Variants in DGKB observed in about 807,000 individuals in gnomAD.
DGKB encodes the protein 90 kDa diacylglycerol kinase.
A neutral mutation model predicts 114.3 loss-of-function variants in DGKB; 67 were observed. The observed-to-expected ratio is 0.59, with a 90% CI of 0.48 to 0.72. The LOEUF (loss-of-function observed/expected upper bound fraction) is 0.72, where lower values mean the gene tolerates loss of function less well. DGKB is among the 30% of genes least tolerant of loss of function. The pLI is 0.00. For synonymous variants in DGKB, 398 were observed against 323.1 expected (o/e 1.23, Z -2.49); for missense variants, 907 against 975.2 (o/e 0.93, Z 0.93).
At chr7:14,622,723 T>A (rs1297836062) in intron 14 of DGKB, among the ~76,000 whole-genome samples, 1 of 152,076 alleles carries the variant, frequency 6.6e-6, no homozygotes, top group Non-Finnish European at 1.5e-5. Flanking sequence ...CTCCCTACAC[T>A]CAGTTCTCTA....
chr7:14,729,607 A>T (rs2128384306), intron 5 of DGKB, among the ~76,000 whole-genome samples: 1 of 152,042 alleles, frequency 6.6e-6, no homozygotes, highest in East Asian at 1.9e-4. Flanking sequence ...TCCCACCCTT[A>T]CTTACTCCCC....
chr7:14,785,159 T>G (rs891595325), intron 2 of DGKB, among the ~76,000 whole-genome samples: 1 of 152,184 alleles, frequency 6.6e-6, no homozygotes, highest in Non-Finnish European at 1.5e-5. Flanking sequence ...TTTTATCACA[T>G]GACTTTCAAA....
chr7:14,899,191 T>C (rs1191185800), intron 1 of DGKB, among the ~76,000 whole-genome samples: 3 of 152,172 alleles, frequency 2.0e-5, no homozygotes, highest in Non-Finnish European at 4.4e-5. Flanking sequence ...CAGTTAAAGA[T>C]GGCTTTTGCT....
At chr7:14,328,900 T>C (rs1809229805) in intron 23 of DGKB, among the ~76,000 whole-genome samples, 1 of 151,954 alleles carries the variant, frequency 6.6e-6, no homozygotes, top group Admixed American at 6.6e-5. Context: ...AAAGCAGACA[T>C]TAAAATAATA....
intron 13 of DGKB, among the ~76,000 whole-genome samples, chr7:14,641,356 A>G (rs1811762203): frequency 6.6e-6 from 1 of 151,824 alleles, no homozygotes; most frequent in African/African-American, 2.4e-5. Flanking sequence ...GCATTTTACA[A>G]TACAAAGATT....
At chr7:14,731,927 G>A (rs1260482639) in intron 5 of DGKB, among the ~76,000 whole-genome samples, 1 of 152,050 alleles carries the variant, frequency 6.6e-6, no homozygotes, top group Non-Finnish European at 1.5e-5. Context: ...TATGGAAACA[G>A]TAGTAGTGAC....
chr7:14,684,902 G>C (rs906566781), intron 10 of DGKB, among the ~76,000 whole-genome samples: 2 of 151,978 alleles, frequency 1.3e-5, no homozygotes, highest in East Asian at 3.9e-4. Flanking sequence ...ATGTGGGGAG[G>C]GGGGGATGAA....
intron 23 of DGKB, among the ~76,000 whole-genome samples, chr7:14,324,905 G>C (rs1415312880): frequency 6.6e-6 from 1 of 152,122 alleles, no homozygotes; most frequent in Non-Finnish European, 1.5e-5. Context: ...CAAAATCATA[G>C]AACTCTTTCA....
Position 14,269,394 on chromosome 7 carries a change from C to T in DGKB, c.2122+69121G>A, listed in dbSNP as rs74960314. Among the ~76,000 whole-genome samples the T allele has an allele frequency of 1.4e-3, 211 of 152,284 alleles. 8 individuals carry two copies. In the East Asian group the frequency reaches 0.032, roughly 23 times the overall value. On this transcript the variant is annotated intron_variant, in intron 23 of 25. Transcript: ENST00000402815. ...AGAATCTCTGGACAAATTTTAGAAC[C>T]ACCACAAGTAGGTTTAAAGACTTGC...
chr7:14,769,016 C>T (rs73064768), intron 2 of DGKB, among the ~76,000 whole-genome samples: 124 of 150,698 alleles, frequency 8.2e-4, no homozygotes, highest in Non-Finnish European at 1.7e-3. Flanking sequence ...GTATTTCAGA[C>T]ATTCATCTGG....
At chr7:14,838,885 T>C (rs1037756720) in intron 2 of DGKB, among the ~76,000 whole-genome samples, 11 of 152,216 alleles carry the variant, frequency 7.2e-5, no homozygotes, top group Non-Finnish European at 1.6e-4. Context: ...TGTGATGGGC[T>C]AAATGTGCCT....
intron 4 of DGKB, among the ~76,000 whole-genome samples, chr7:14,747,362 G>GT (rs566082859): frequency 0.36 from 52,909 of 147,382 alleles, 12,890 homozygotes; most frequent in African/African-American, 0.69. Flanking sequence ...CTGGCTAATA[G>GT]TTTTTTTTTT....
In DGKB at chr7:14,658,605, G is replaced by A. The variant is rs1816342517; in HGVS notation, c.1134+14324C>T. 2.0e-5 allele frequency among the ~76,000 whole-genome samples: 3 copies of A among 151,854 alleles called. No individual in the cohort carries two copies. In the South Asian group the frequency reaches 6.2e-4, roughly 32 times the overall value. On this transcript the variant is annotated intron_variant, in intron 13 of 25. Transcript: ENST00000402815. ...ATAAAGAAATAATGAAATACTCAAG[G>A]TGATGTATACCCTAAATACCCTGAC... is the stretch of plus-strand genomic sequence containing the variant.
upstream of DGKB, among the ~76,000 whole-genome samples, chr7:14,907,603 CCT>C (rs567894103): frequency 1.3e-3 from 201 of 152,092 alleles, 1 homozygote; most frequent in African/African-American, 4.8e-3. Context: ...AACTGTGTGC[CCT>C]GTCTTCATTG....
chr7:14,391,896 G>A (rs964215617), intron 21 of DGKB, among the ~76,000 whole-genome samples: 1 of 152,136 alleles, frequency 6.6e-6, no homozygotes, highest in Non-Finnish European at 1.5e-5. Context: ...CATATGAAAT[G>A]AGAATCAGAT....
chr7:14,588,747 C>T (rs1456964699), intron 17 of DGKB, among the ~76,000 whole-genome samples: 1 of 152,002 alleles, frequency 6.6e-6, no homozygotes, highest in Non-Finnish European at 1.5e-5. Context: ...TTTCTATTCT[C>T]TATTGTGTTT....
intron 21 of DGKB, among the ~76,000 whole-genome samples, chr7:14,366,893 A>T (rs1185458221): frequency 6.6e-6 from 1 of 152,182 alleles, no homozygotes; most frequent in Non-Finnish European, 1.5e-5. Flanking sequence ...TTAATAACAA[A>T]ATACGAAGAA....
intron 17 of DGKB, among the ~76,000 whole-genome samples, chr7:14,598,528 A>G (rs1802981496): frequency 6.6e-6 from 1 of 152,194 alleles, no homozygotes; most frequent in Non-Finnish European, 1.5e-5. Context: ...TGCATAGTCA[A>G]TGATATCACT....
At chr7:14,722,126 C>T (rs1829271624) in intron 5 of DGKB, among the ~76,000 whole-genome samples, 1 of 152,200 alleles carries the variant, frequency 6.6e-6, no homozygotes. Flanking sequence ...ACTATCCAAT[C>T]TCTATAATAT....
Sources: allele counts gnomAD v4.1 joint callset (sites outside exome capture counted in the v4.1 genomes callset), GRCh38; gene constraint gnomAD v4.1.1; transcripts MANE v1.5; gene names NCBI Gene and HGNC (gene_info 2026-07-23, HGNC 2026-07-21).